Variants in USP7 observed in about 807,000 individuals in gnomAD.
USP7 encodes the protein ubiquitin C-terminal hydrolase 7.
A neutral mutation model predicts 162.9 loss-of-function variants in USP7; 9 were observed. The observed-to-expected ratio is 0.06, with a 90% CI of 0.03 to 0.10. USP7 has a LOEUF of 0.10. Among genes scored for constraint, USP7 ranks in the 10% least tolerant of loss-of-function variants. USP7 has a pLI of 1.00. For missense variants in USP7, 715 were observed against 1,373.7 expected, an observed-to-expected ratio of 0.52 and a Z score of 7.58; for synonymous variants, 562 against 475.9, an observed-to-expected ratio of 1.18 and a Z score of -2.35.
intron 10 of USP7, among the ~76,000 whole-genome samples, chr16:8,914,449 G>C (rs1171643605): frequency 6.6e-6 from 1 of 152,132 alleles, no homozygotes; most frequent in Non-Finnish European, 1.5e-5. Context: ...AAGAATGGTC[G>C]ATCTGCCTTA....
chr16:8,923,056 T>C (rs1897788142), intron 3 of USP7, among the ~76,000 whole-genome samples, 159 bp downstream of exon 3: 1 of 152,232 alleles, frequency 6.6e-6, no homozygotes, highest in African/African-American at 2.4e-5. Flanking sequence ...AATATACTTT[T>C]CTAGCTTGGA....
chr16:8,939,071 G>C (rs1052977085), intron 1 of USP7, among the ~76,000 whole-genome samples: 1 of 152,120 alleles, frequency 6.6e-6, no homozygotes, highest in African/African-American at 2.4e-5. Flanking sequence ...AGTATCAACA[G>C]CCAGGGTCCT....
intron 1 of USP7, among the ~76,000 whole-genome samples, chr16:8,933,432 C>T (rs1001630604): frequency 3.3e-5 from 5 of 152,202 alleles, no homozygotes; most frequent in African/African-American, 9.6e-5. Context: ...CACATACTAC[C>T]TTTATTAGAA....
intron 2 of USP7, 84 bp downstream of exon 2, chr16:8,930,209 A>G: frequency 9.6e-7 from 1 of 1,045,562 alleles, no homozygotes; most frequent in Non-Finnish European, 1.4e-6. Flanking sequence ...CCAAGGATGT[A>G]CCCAAGAAGT....
chr16:8,915,478 G>A lies in USP7; in HGVS notation c.954C>T (p.Gly318=), dbSNP rs1383476907. The part of the protein sequence containing the change: ...ENKMKGTCVE[G]TIPKLFRGKM... The stretch of plus-strand genomic sequence containing the variant: ...TGCCGCGGAATAATTTGGGTATGGT[G>A]CCCTCTACACAGGTGCCTTTCATCT... The change falls in exon 9 of 31, where the codon GGC becomes GGT. Residue 318 remains glycine (G), a synonymous_variant. Transcript: ENST00000344836. 2 of 1,613,690 alleles carry A rather than the reference G, an allele frequency of 1.2e-6. No homozygotes were observed. The highest frequency in any genetic ancestry group is 1.7e-6 in the Non-Finnish European group (2 of 1,179,998).
intron 1 of USP7, among the ~76,000 whole-genome samples, chr16:8,936,041 A>G (rs1319044520): frequency 6.6e-6 from 1 of 152,140 alleles, no homozygotes; most frequent in Non-Finnish European, 1.5e-5. Context: ...TCCTCCCCCA[A>G]AAAGCTGGCA....
intron 1 of USP7, among the ~76,000 whole-genome samples, chr16:8,938,710 C>CAAAA (rs397944053): frequency 2.1e-5 from 3 of 146,002 alleles, no homozygotes; most frequent in African/African-American, 5.1e-5. Context: ...GACTCCGTCT[C>CAAAA]AAAAAAAAAA....
intron 1 of USP7, among the ~76,000 whole-genome samples, chr16:8,941,035 C>A (rs908169336): frequency 1.4e-4 from 21 of 152,326 alleles, no homozygotes; most frequent in African/African-American, 4.8e-4. Context: ...TCAAGGTTCA[C>A]CTTCCAGCCA....
At chr16:8,927,526 T>C (rs1200784621) in intron 2 of USP7, among the ~76,000 whole-genome samples, 2 of 152,144 alleles carry the variant, frequency 1.3e-5, no homozygotes, top group Non-Finnish European at 2.9e-5. Flanking sequence ...TAGATCCATC[T>C]AGATCTTCAG....
intron 1 of USP7, among the ~76,000 whole-genome samples, chr16:8,948,635 A>G (rs1899402001): frequency 1.3e-5 from 2 of 152,204 alleles, no homozygotes; most frequent in Non-Finnish European, 2.9e-5. Context: ...GTTCCACACG[A>G]TGGAATATTA....
rs1363955171 is a variant in USP7, at chr16:8,963,730, C to T, written c.-445G>A. On this transcript the variant is annotated 5_prime_UTR_variant, in exon 1 of 31. Transcript: ENST00000344836. ...GGACGGGAGGCCTGGCCGGCCGCGG[C>T]GGGCCTGCGGGCCCTGGGGCCGGCG... Among the ~76,000 whole-genome samples the T allele has an allele frequency of 7.0e-6, 1 of 143,314 alleles. No homozygotes were observed. The highest frequency in any genetic ancestry group is 1.5e-5 in the Non-Finnish European group (1 of 64,898). The allele number at this position is 143,314 out of a possible 152,430, so 94.0% of individuals were successfully genotyped here.
chr16:8,930,799 T>C (rs953126953), intron 1 of USP7, among the ~76,000 whole-genome samples: 1 of 152,080 alleles, frequency 6.6e-6, no homozygotes, highest in Non-Finnish European at 1.5e-5. Flanking sequence ...TGAAACCCCG[T>C]CTCTACTAGA....
intron 1 of USP7, chr16:8,936,839 ACT>A (rs1898765568): frequency 1.0e-6 from 1 of 997,804 alleles, no homozygotes; most frequent in South Asian, 2.9e-5. Flanking sequence ...AACTGGTGAA[ACT>A]CTGAAAGAAT....
At position 8,893,954 on chromosome 16, in the gene USP7, G is replaced by T; in HGVS notation, c.*44C>A. Reference sequence around the variant, plus strand: ...CACCAAAGTTCTAGGCTGTTAAGGGGCCACCCACACACCGTCCTCGCCTTG... The same window carrying T: ...CACCAAAGTTCTAGGCTGTTAAGGGTCCACCCACACACCGTCCTCGCCTTG... On this transcript the variant is annotated 3_prime_UTR_variant, in exon 31 of 31. Transcript: ENST00000344836. 1.9e-6 allele frequency: 3 copies of T among 1,579,042 alleles called. No homozygotes were observed. The highest frequency in any genetic ancestry group is 2.6e-6 in the Non-Finnish European group (3 of 1,147,944).
chr16:8,903,038 G>A (rs2061801989), intron 16 of USP7, among the ~76,000 whole-genome samples: 1 of 152,170 alleles, frequency 6.6e-6, no homozygotes, highest in South Asian at 2.1e-4. Context: ...AGGAAAAGGG[G>A]TGAAAACATG....
At chr16:8,938,251 A>G (rs1425781173) in intron 1 of USP7, among the ~76,000 whole-genome samples, 2 of 152,064 alleles carry the variant, frequency 1.3e-5, no homozygotes, top group East Asian at 3.8e-4. Context: ...CTGCTACTAC[A>G]CTATACTATA....
intron 1 of USP7, among the ~76,000 whole-genome samples, chr16:8,955,543 T>C (rs1160889998): frequency 6.6e-6 from 1 of 151,866 alleles, no homozygotes; most frequent in Non-Finnish European, 1.5e-5. Context: ...CCGTCTCTAC[T>C]AAAATACAAA....
At chr16:8,894,244 C>A in intron 30 of USP7, 140 bp from the exon 31 acceptor site, 1 of 782,812 alleles carries the variant, frequency 1.3e-6, no homozygotes. Flanking sequence ...AGCTACACGC[C>A]CACCTGGAGC....
At chr16:8,907,813 C>A (rs1013721939) in intron 12 of USP7, among the ~76,000 whole-genome samples, 3 of 152,128 alleles carry the variant, frequency 2.0e-5, no homozygotes, top group Non-Finnish European at 4.4e-5. Flanking sequence ...GACTCTGTCT[C>A]AAAAACATAA....
Sources: allele counts gnomAD v4.1 joint callset (sites outside exome capture counted in the v4.1 genomes callset), GRCh38; gene constraint gnomAD v4.1.1; transcripts MANE v1.5; gene names NCBI Gene and HGNC (gene_info 2026-07-23, HGNC 2026-07-21).